Variants in SNX9 observed in about 807,000 individuals in gnomAD.
SNX9 encodes sorting nexin-9.
Under a neutral mutation model 89.4 loss-of-function variants are expected in SNX9, and 44 were observed. The ratio of observed to expected loss-of-function variants is 0.49; its 90% CI spans 0.39 to 0.63. The LOEUF is 0.63. Ranked by LOEUF, SNX9 falls within the 30% of genes least tolerant of loss-of-function variation. SNX9 has a pLI of 0.00. For missense variants in SNX9, 578 were observed against 736.1 expected, an observed-to-expected ratio of 0.79 and a Z score of 2.49; for synonymous variants, 236 against 247.8, an observed-to-expected ratio of 0.95 and a Z score of 0.45.
intron 5 of SNX9, among the ~76,000 whole-genome samples, chr6:157,899,904 TGC>T (rs955302112): frequency 3.3e-5 from 5 of 152,052 alleles, no homozygotes; most frequent in African/African-American, 7.3e-5. Flanking sequence ...TGTGTGTGTG[TGC>T]GCGTGTATAT....
At chr6:157,882,712 A>G (rs914520818) in intron 4 of SNX9, among the ~76,000 whole-genome samples, 2 of 152,242 alleles carry the variant, frequency 1.3e-5, no homozygotes, top group African/African-American at 4.8e-5. Context: ...AACTAGAATT[A>G]GAAGTGGAGC....
chr6:157,843,976 G>A lies in SNX9; in HGVS notation c.12+20530G>A, dbSNP rs1296703165. 2.0e-5 allele frequency among the ~76,000 whole-genome samples: 3 copies of A among 147,146 alleles called. No homozygotes were observed. In the Admixed American group the frequency reaches 2.1e-4, roughly 10 times the overall value. On this transcript the variant is annotated intron_variant, in intron 1 of 17. Coordinates refer to ENST00000392185, the MANE Select transcript of SNX9 (RefSeq NM_016224.5). ...TGTAACCTCCACCACCCAGGTTCAA[G>A]CAATTTTCCTGCCTTAGCCTCCTGC...
chr6:157,888,575 A>G (rs1328616256), intron 4 of SNX9, among the ~76,000 whole-genome samples: 2 of 152,112 alleles, frequency 1.3e-5, no homozygotes, highest in Non-Finnish European at 2.9e-5. Flanking sequence ...TTTAAGGTGG[A>G]TATTTTGGCT....
At chr6:157,933,808 C>G (rs1273007251) in intron 13 of SNX9, among the ~76,000 whole-genome samples, 1 of 152,206 alleles carries the variant, frequency 6.6e-6, no homozygotes, top group East Asian at 1.9e-4. Flanking sequence ...CATGGGTTCC[C>G]CACTGGGAGC....
intron 9 of SNX9, among the ~76,000 whole-genome samples, chr6:157,921,281 A>G (rs554625976): frequency 1.3e-5 from 2 of 152,338 alleles, no homozygotes; most frequent in East Asian, 1.9e-4. Context: ...TCTTGTCACA[A>G]TATGTGAATA....
At chr6:157,831,885 G>A (rs1781485462) in intron 1 of SNX9, among the ~76,000 whole-genome samples, 1 of 152,252 alleles carries the variant, frequency 6.6e-6, no homozygotes, top group South Asian at 2.1e-4. Flanking sequence ...AGACTGTCAA[G>A]TGAAGGGAGT....
intron 12 of SNX9, among the ~76,000 whole-genome samples, chr6:157,931,846 G>A (rs1235995746): frequency 1.3e-5 from 2 of 152,204 alleles, no homozygotes; most frequent in Non-Finnish European, 2.9e-5. Flanking sequence ...TGGTGTCTCT[G>A]CATCTGGTAG....
chr6:157,836,157 C>T (rs1781579007), intron 1 of SNX9, among the ~76,000 whole-genome samples: 1 of 152,004 alleles, frequency 6.6e-6, no homozygotes, highest in African/African-American at 2.4e-5. Flanking sequence ...CTCTATGTGC[C>T]CAGGCTGATC....
chr6:157,867,620 C>T lies in SNX9; in HGVS notation c.86C>T (p.Thr29Ile). The T allele has an allele frequency of 6.2e-7, 1 of 1,611,066 alleles. No homozygotes were observed. Among genetic ancestry groups the T allele is most frequent in the Non-Finnish European group, 8.5e-7 (1 of 1,177,946 alleles). Residue 29 changes from threonine (T) to isoleucine (I), a missense_variant, in exon 2 of 18, where the codon ACA (threonine) becomes ATA (isoleucine). By Grantham distance (89) the Thr-to-Ile change is moderately conservative (BLOSUM62 -1). Transcript: ENST00000392185. ...ACGGTTAATGAAGGAGAAATCATCACAATCACAAATCCGGTAAGAGAACTG... is the reference window on the plus strand; with the variant it reads ...ACGGTTAATGAAGGAGAAATCATCATAATCACAAATCCGGTAAGAGAACTG... Reference protein sequence around the residue: ...ELTVNEGEIITITNPDVGGGW... With the variant: ...ELTVNEGEIIIITNPDVGGGW...
At chr6:157,835,690 A>T (rs868741691) in intron 1 of SNX9, among the ~76,000 whole-genome samples, 2 of 152,078 alleles carry the variant, frequency 1.3e-5, no homozygotes, top group African/African-American at 4.8e-5. Flanking sequence ...TGATGGTTTT[A>T]TAAGGGGTTC....
chr6:157,845,125 T>G (rs1337003580), intron 1 of SNX9, among the ~76,000 whole-genome samples: 1 of 150,076 alleles, frequency 6.7e-6, no homozygotes, highest in African/African-American at 2.5e-5. Context: ...TTTTTTTTTT[T>G]AAGACGGAGT....
intron 9 of SNX9, among the ~76,000 whole-genome samples, chr6:157,915,822 C>CAAAAAAAAAA (rs570701086): frequency 1.0e-4 from 9 of 89,366 alleles, no homozygotes; most frequent in East Asian, 3.5e-4. Flanking sequence ...TAGACTCTGT[C>CAAAAAAAAAA]AAAAAAAAAA....
At chr6:157,844,600 G>GGTTTTTTTTTTT (rs1781767165) in intron 1 of SNX9, among the ~76,000 whole-genome samples, 1 of 131,806 alleles carries the variant, frequency 7.6e-6, no homozygotes, top group East Asian at 2.3e-4. Flanking sequence ...TTTTTTTTTT[G>GGTTTTTTTTTTT]TTTTTTTTTT....
chr6:157,853,791 T>A (rs1009739156), intron 1 of SNX9, among the ~76,000 whole-genome samples: 10 of 147,868 alleles, frequency 6.8e-5, no homozygotes, highest in African/African-American at 1.2e-4. Context: ...ATGTAATGTT[T>A]AAAAAAAAAA....
rs116807695 is a variant in SNX9 at position 157,931,443 on chromosome 6, C to T, written c.1289-752C>T. The stretch of plus-strand genomic sequence containing the variant: ...ATAATGGTTTCTTTTGAAAGGCAAA[C>T]AGATGCTCCATTTAAGGGGACTCCA... On this transcript the variant is annotated intron_variant, in intron 12 of 17. Transcript: ENST00000392185. 5.8e-3 allele frequency among the ~76,000 whole-genome samples: 882 copies of T among 152,260 alleles called. 11 individuals are homozygous for T. Among genetic ancestry groups the T allele is most frequent in the African/African-American group, 0.02 (837 of 41,536 alleles).
chr6:157,840,950 A>G (rs1479003820), intron 1 of SNX9, among the ~76,000 whole-genome samples: 1 of 152,212 alleles, frequency 6.6e-6, no homozygotes, highest in Non-Finnish European at 1.5e-5. Flanking sequence ...AAGTACTTGC[A>G]GACTGCTGGA....
chr6:157,896,537 GAA>G (rs1782980727), intron 4 of SNX9, among the ~76,000 whole-genome samples: 1 of 152,204 alleles, frequency 6.6e-6, no homozygotes, highest in Admixed American at 6.5e-5. Flanking sequence ...TGGAGAGAAA[GAA>G]AGAGAGGGCT....
chr6:157,864,797 A>ATCAT (rs1379914676), intron 1 of SNX9, among the ~76,000 whole-genome samples: 1 of 151,808 alleles, frequency 6.6e-6, no homozygotes, highest in East Asian at 1.9e-4. Context: ...TGGGAGGCCG[A>ATCAT]GGCGGGCAGA....
At chr6:157,895,239 A>G (rs571037362) in intron 4 of SNX9, among the ~76,000 whole-genome samples, 1 of 152,338 alleles carries the variant, frequency 6.6e-6, no homozygotes, top group South Asian at 2.1e-4. Flanking sequence ...AACTGGCTTT[A>G]AGGCCTGCAG....
Sources: gnomAD v4.1 joint callset for allele counts (sites outside exome capture counted in the v4.1 genomes callset) on GRCh38, gnomAD v4.1.1 for gene constraint, MANE v1.5 for transcripts, NCBI Gene and HGNC (gene_info 2026-07-23, HGNC 2026-07-21) for gene names.